Variants in PRR11 observed in about 807,000 individuals in gnomAD.
PRR11 encodes the protein proline-rich protein 11.
A neutral mutation model predicts 45.6 loss-of-function variants in PRR11; 30 were observed. The observed-to-expected ratio is 0.66, with a 90% CI of 0.49 to 0.89. The LOEUF (loss-of-function observed/expected upper bound fraction) is 0.89, where lower values mean the gene tolerates loss of function less well. PRR11 is among the 40% of genes least tolerant of loss of function. The probability of loss-of-function intolerance (pLI) is 0.00; values close to 1 mark genes in which losing one functional copy is unlikely to be tolerated. For missense variants in PRR11, 373 were observed against 424.8 expected (o/e 0.88, Z 1.07); for synonymous variants, 128 against 153.5 (o/e 0.83, Z 1.23).
Position 59,185,449 on chromosome 17 carries a change from G to A in PRR11, c.289G>A (p.Val97Ile). The A allele has an allele frequency of 1.3e-6, 2 of 1,599,250 alleles. No homozygotes were observed. Among genetic ancestry groups the A allele is most frequent in the Non-Finnish European group, 1.7e-6 (2 of 1,169,332 alleles). The change falls in exon 4 of 10, where the codon GTA becomes ATA. Residue 97 changes from valine (V) to isoleucine (I), a missense_variant. Physicochemically the swap from Val to Ile is conservative, Grantham distance 29. Transcript: ENST00000262293. ...TTATTATTAATTTCAGAGTTTAGAA[G>A]TATTGAAAGACACCATCTTTCCATC... is the stretch of plus-strand genomic sequence containing the variant. ...CQNCITQSLE[V>I]LKDTIFPSRI...
chr17:59,190,692 A>C (rs1181955432), intron 4 of PRR11, among the ~76,000 whole-genome samples: 1 of 152,300 alleles, frequency 6.6e-6, no homozygotes, highest in African/African-American at 2.4e-5. Context: ...GCTCTGTCTC[A>C]TCTTTCAGTT....
chr17:59,174,063 C>T (rs922786812), intron 2 of PRR11, among the ~76,000 whole-genome samples: 4 of 152,230 alleles, frequency 2.6e-5, no homozygotes, highest in East Asian at 1.9e-4. Context: ...TAGCCTGCTT[C>T]TGAACCATCG....
chr17:59,196,830 T>C (rs533161426), intron 7 of PRR11, among the ~76,000 whole-genome samples: 1 of 152,216 alleles, frequency 6.6e-6, no homozygotes, highest in South Asian at 2.1e-4. Flanking sequence ...CATCTTATGT[T>C]CCCATCGGCA....
intron 4 of PRR11, among the ~76,000 whole-genome samples, chr17:59,188,527 T>G (rs1400505880): frequency 1.3e-5 from 2 of 152,190 alleles, no homozygotes; most frequent in African/African-American, 4.8e-5. Flanking sequence ...TATAATCCAT[T>G]CATTCAATTT....
Position 59,185,203 on chromosome 17 carries a change from A to C in PRR11, c.278A>C (p.Gln93Pro). The C allele has an allele frequency of 1.2e-6, 2 of 1,613,584 alleles. No individual in the cohort carries two copies. The highest frequency in any genetic ancestry group is 1.7e-6 in the Non-Finnish European group (2 of 1,179,766). Residue 93 changes from glutamine (Q) to proline (P), a missense_variant and splice_region_variant, in exon 3 of 10, where the codon CAG becomes CCG. By Grantham distance (76) the Gln-to-Pro change is moderately conservative. Transcript: ENST00000262293. Reference sequence around the variant, plus strand: ...AGCTGGTGCCAGAACTGCATAACCCAGGTATGGATGTGACATCCCTGTTTT... The same window carrying C: ...AGCTGGTGCCAGAACTGCATAACCCCGGTATGGATGTGACATCCCTGTTTT... Reference protein sequence around the residue: ...IYSWCQNCITQSLEVLKDTIF... With the variant: ...IYSWCQNCITPSLEVLKDTIF...
chr17:59,168,915 CCTT>C lies in PRR11; in HGVS notation c.-5-832_-5-830del, dbSNP rs1249258657. ...CTGTAAAAACGGGAATAAAAATCCT[CCTT>C]GTCAGGGATAATACCTTGCAGGATA... On this transcript the variant is annotated intron_variant, in intron 1 of 9. Transcript: ENST00000262293. 3.9e-5 allele frequency among the ~76,000 whole-genome samples: 6 copies of C among 151,964 alleles called. No individual in the cohort carries two copies. The East Asian group carries it at 1.2e-3, about 29-fold the overall frequency.
At chr17:59,185,665 A>G (rs962268974) in intron 4 of PRR11, 103 bp downstream of exon 4, 5 of 1,083,832 alleles carry the variant, frequency 4.6e-6, no homozygotes, top group Non-Finnish European at 5.2e-6. Flanking sequence ...TAAGATTTAT[A>G]TCTCAAACAT....
At chr17:59,186,555 G>C (rs960569515) in intron 4 of PRR11, among the ~76,000 whole-genome samples, 1 of 150,598 alleles carries the variant, frequency 6.6e-6, no homozygotes, top group Non-Finnish European at 1.5e-5. Flanking sequence ...CCACCTGCCC[G>C]GCAAATTTTT....
intron 5 of PRR11, among the ~76,000 whole-genome samples, chr17:59,193,994 C>G (rs913605554): frequency 6.6e-6 from 1 of 152,114 alleles, no homozygotes; most frequent in African/African-American, 2.4e-5. Context: ...CTCAGCATGG[C>G]TTTTTCCTAG....
Position 59,201,686 on chromosome 17 carries a change from C to T in PRR11, c.*55C>T. The T allele has an allele frequency of 1.3e-6, 2 of 1,572,372 alleles. No homozygotes were observed. Among genetic ancestry groups the T allele is most frequent in the Non-Finnish European group, 1.7e-6 (2 of 1,144,636 alleles). Reference sequence around the variant, plus strand: ...TCCATAACAAATACAGATAAAAACACCCAGCTGGGTGCAGTGGCTCACACC... The same window carrying T: ...TCCATAACAAATACAGATAAAAACATCCAGCTGGGTGCAGTGGCTCACACC... On this transcript the variant is annotated 3_prime_UTR_variant, in exon 10 of 10. Coordinates refer to ENST00000262293, the MANE Select transcript of PRR11 (RefSeq NM_018304.4).
chr17:59,171,919 A>G (rs566415960), intron 2 of PRR11, among the ~76,000 whole-genome samples: 1 of 152,254 alleles, frequency 6.6e-6, no homozygotes, highest in African/African-American at 2.4e-5. Flanking sequence ...TTAGGATAAA[A>G]AGGATTCTCT....
chr17:59,171,301 A>C (rs1321931796), intron 2 of PRR11, among the ~76,000 whole-genome samples: 1 of 152,184 alleles, frequency 6.6e-6, no homozygotes, highest in Non-Finnish European at 1.5e-5. Flanking sequence ...GACAATACAA[A>C]GTAAAAAATT....
intron 5 of PRR11, among the ~76,000 whole-genome samples, chr17:59,194,374 C>T (rs765631401): frequency 6.6e-6 from 1 of 151,684 alleles, no homozygotes; most frequent in Non-Finnish European, 1.5e-5. Flanking sequence ...CATTCTTGTT[C>T]TGTGGAAACT....
chr17:59,194,007 A>G (rs1357068961), intron 5 of PRR11, among the ~76,000 whole-genome samples: 4 of 152,104 alleles, frequency 2.6e-5, no homozygotes, highest in East Asian at 1.9e-4. Flanking sequence ...TTTCCTAGGG[A>G]AGAAAACCTC....
At chr17:59,189,579 C>G (rs778371728) in intron 4 of PRR11, among the ~76,000 whole-genome samples, 1 of 152,086 alleles carries the variant, frequency 6.6e-6, no homozygotes, top group South Asian at 2.1e-4. Flanking sequence ...AGTGATCTGC[C>G]TGCCTCGGCC....
At chr17:59,167,921 T>A (rs1165735248) in intron 1 of PRR11, among the ~76,000 whole-genome samples, 2 of 152,130 alleles carry the variant, frequency 1.3e-5, no homozygotes, top group Non-Finnish European at 2.9e-5. Flanking sequence ...CAACCTCCTA[T>A]CTCATCCTGT....
intron 1 of PRR11, among the ~76,000 whole-genome samples, chr17:59,163,403 A>G (rs985389094): frequency 3.3e-5 from 5 of 152,176 alleles, no homozygotes; most frequent in African/African-American, 1.2e-4. Flanking sequence ...TACTTTAAAT[A>G]TTGTTTAACA....
At position 59,169,851 on chromosome 17, in the gene PRR11, ACCT is replaced by A. The variant is rs778459972; in HGVS notation, c.108_110del (p.Pro39del). The A allele has an allele frequency of 6.2e-7, 1 of 1,609,934 alleles. No individual in the cohort carries two copies. Among genetic ancestry groups the A allele is most frequent in the Non-Finnish European group, 8.5e-7 (1 of 1,178,484 alleles). On this transcript the variant is annotated inframe_deletion, in exon 2 of 10. Transcript: ENST00000262293. ...CTCACTTTCAGTCCAAGCTAATTAC[ACCT>A]CCTCCTCCACCACCCTCACCAGAAA... is the stretch of plus-strand genomic sequence containing the variant.
chr17:59,175,066 G>A, intron 2 of PRR11: 1 of 591,768 alleles, frequency 1.7e-6, no homozygotes, highest in South Asian at 1.7e-5. Flanking sequence ...TTCCCGTACA[G>A]GAAGTAGAAA....
Sources: gnomAD v4.1 joint callset for allele counts (sites outside exome capture counted in the v4.1 genomes callset) on GRCh38, gnomAD v4.1.1 for gene constraint, MANE v1.5 for transcripts, NCBI Gene and HGNC (gene_info 2026-07-23, HGNC 2026-07-21) for gene names.